PRKN: variants seen among roughly 807,000 people sequenced by gnomAD.
PRKN encodes E3 ubiquitin-protein ligase parkin.
PRKN carries 56 observed loss-of-function variants against 59.5 expected under a neutral mutation model. The observed-to-expected ratio is 0.94, with a 90% CI of 0.76 to 1.18. The LOEUF (loss-of-function observed/expected upper bound fraction) is 1.18. Ranked by LOEUF, PRKN falls within the 50% of genes most tolerant of loss-of-function variation. The pLI, the probability that PRKN is intolerant of heterozygous loss-of-function variation, is 0.00. For synonymous variants in PRKN, 250 were observed against 222.1 expected (o/e 1.13, Z -1.12); for missense variants, 657 against 596.4 (o/e 1.10, Z -1.06).
chr6:162,451,356 C>A (rs1376280097), intron 1 of PRKN, among the ~76,000 whole-genome samples: 3 of 134,432 alleles, frequency 2.2e-5, no homozygotes, highest in Non-Finnish European at 4.6e-5. Context: ...GTATTACTGT[C>A]CTTAAAGGAG....
chr6:162,544,010 T>A (rs1423291496), intron 1 of PRKN, among the ~76,000 whole-genome samples: 1 of 152,198 alleles, frequency 6.6e-6, no homozygotes, highest in Non-Finnish European at 1.5e-5. Flanking sequence ...CTTATTGCAA[T>A]CATTTCATTT....
intron 1 of PRKN, among the ~76,000 whole-genome samples, chr6:162,469,102 A>G (rs960100491): frequency 6.6e-6 from 1 of 152,096 alleles, no homozygotes; most frequent in Admixed American, 6.6e-5. Context: ...ACTCTATAAA[A>G]ATCTATTGTG....
At chr6:161,876,077 T>C (rs1349335767) in intron 6 of PRKN, among the ~76,000 whole-genome samples, 2 of 152,142 alleles carry the variant, frequency 1.3e-5, no homozygotes, top group Non-Finnish European at 2.9e-5. Context: ...TATAAATGGT[T>C]TAATATTTTT....
intron 7 of PRKN, among the ~76,000 whole-genome samples, chr6:161,752,184 A>G (rs1788724096): frequency 6.6e-6 from 1 of 151,910 alleles, no homozygotes; most frequent in African/African-American, 2.4e-5. Flanking sequence ...ATCCTGGCCA[A>G]CGTGGTGAAA....
intron 3 of PRKN, among the ~76,000 whole-genome samples, chr6:162,207,557 G>A (rs1056184926): frequency 2.0e-5 from 3 of 152,106 alleles, no homozygotes; most frequent in East Asian, 1.9e-4. Context: ...TCACTTGACC[G>A]TCCTAACATC....
intron 5 of PRKN, among the ~76,000 whole-genome samples, chr6:162,030,300 C>T (rs1783588806): frequency 6.6e-6 from 1 of 152,156 alleles, no homozygotes; most frequent in Non-Finnish European, 1.5e-5. Context: ...CGTTATCTGC[C>T]CATCTCCACT....
At chr6:162,726,745 C>T (rs1779221730) in intron 1 of PRKN, among the ~76,000 whole-genome samples, 1 of 152,186 alleles carries the variant, frequency 6.6e-6, no homozygotes, top group African/African-American at 2.4e-5. Context: ...AAGGACCCTC[C>T]TCAGGAATAA....
rs781518268 is a variant in PRKN at position 161,658,030 on chromosome 6, A to AAAAAAAAAAAAAAG, written c.872-88615_872-88614insCTTTTTTTTTTTTT. On this transcript the variant is annotated intron_variant, in intron 7 of 11. Coordinates refer to ENST00000366898, the MANE Select transcript of PRKN (RefSeq NM_004562.3). ...GACTCTGTCTCAAAAAAAAAAAAAA[A>AAAAAAAAAAAAAAG]AAAAGAAAAGAAAAGAAAAAAACGG... 4.2e-3 allele frequency among the ~76,000 whole-genome samples: 435 copies of AAAAAAAAAAAAAAG among 104,710 alleles called. 4 individuals carry two copies. The highest frequency in any genetic ancestry group is 7.9e-3 in the African/African-American group (227 of 28,580). 68.7% of individuals were successfully genotyped at this position (104,710 alleles called of 152,430 possible).
rs372106837 is a variant in PRKN, at chr6:161,497,575, T to TCA, written c.1083+51278_1083+51279insTG. On this transcript the variant is annotated intron_variant, in intron 9 of 11. Transcript: ENST00000366898. The surrounding 1 kb of genome is among the most constrained non-coding windows in gnomAD (Gnocchi z 4.6). ...ACATGTCTCTCTCTCTCTCTCTCTC[T>TCA]CTCACACACACACACACACACACCA... Among the ~76,000 whole-genome samples, 338 of 139,604 alleles carry TCA rather than the reference T, an allele frequency of 2.4e-3. No homozygotes were observed. The highest frequency in any genetic ancestry group is 5.5e-3 in the African/African-American group (190 of 34,274). The allele number at this position is 139,604 out of a possible 152,430, so 91.6% of individuals were successfully genotyped here.
chr6:161,606,806 C>T (rs1782298901), intron 7 of PRKN, among the ~76,000 whole-genome samples: 1 of 152,160 alleles, frequency 6.6e-6, no homozygotes, highest in Non-Finnish European at 1.5e-5. Flanking sequence ...ACTTGAAAAT[C>T]TCATACAGTG....
chr6:161,762,252 G>A (rs1008548218), intron 7 of PRKN, among the ~76,000 whole-genome samples: 1 of 152,230 alleles, frequency 6.6e-6, no homozygotes, highest in Non-Finnish European at 1.5e-5. Context: ...ATAAGACAGT[G>A]AGCGAATGGA....
intron 1 of PRKN, among the ~76,000 whole-genome samples, chr6:162,616,651 C>T (rs1782433141): frequency 6.6e-6 from 1 of 152,098 alleles, no homozygotes; most frequent in South Asian, 2.1e-4. Flanking sequence ...CTTTTTCTTG[C>T]TATCTTCTAT....
At chr6:161,946,106 GA>G in intron 6 of PRKN, among the ~76,000 whole-genome samples, 1 of 152,090 alleles carries the variant, frequency 6.6e-6, no homozygotes, top group Admixed American at 6.6e-5. Context: ...AGAATGAGTA[GA>G]AAATTTTTTC....
rs138988973 is a variant in PRKN at position 162,299,286 on chromosome 6, C to A, written c.172-36521G>T. Among the ~76,000 whole-genome samples, 827 of 152,224 alleles carry A rather than the reference C, an allele frequency of 5.4e-3. 3 individuals carry two copies. Among genetic ancestry groups the A allele is most frequent in the Non-Finnish European group, 9.0e-3 (613 of 68,020 alleles). ...TTAGATTCAATGCCAGAAACAGGGG[C>A]AGAGAGGCCAATGGCTGAATAGAGG... On this transcript the variant is annotated intron_variant, in intron 2 of 11. Coordinates refer to ENST00000366898, the MANE Select transcript of PRKN (RefSeq NM_004562.3).
intron 7 of PRKN, among the ~76,000 whole-genome samples, chr6:161,750,118 TACACACACACAC>T (rs955038865): frequency 1.5e-5 from 2 of 137,740 alleles, no homozygotes; most frequent in Non-Finnish European, 3.1e-5. Flanking sequence ...TATATATATA[TACACACACACAC>T]ACACACACAC....
chr6:162,706,717 T>C (rs1020590154), intron 1 of PRKN, among the ~76,000 whole-genome samples: 5 of 152,198 alleles, frequency 3.3e-5, no homozygotes, highest in African/African-American at 1.2e-4. Flanking sequence ...GTACTTAAAA[T>C]ACAACACACA....
intron 4 of PRKN, among the ~76,000 whole-genome samples, chr6:162,193,630 AC>A (rs1383867672): frequency 6.6e-6 from 1 of 152,134 alleles, no homozygotes; most frequent in Non-Finnish European, 1.5e-5. Flanking sequence ...AGCTTTTGTG[AC>A]CTATACATGT....
chr6:161,569,840 G>A (rs1780802777), intron 7 of PRKN, among the ~76,000 whole-genome samples: 1 of 152,160 alleles, frequency 6.6e-6, no homozygotes. Flanking sequence ...ATCAAGGCCA[G>A]GGGCCTGCTC....
chr6:161,830,410 C>T (rs1792444311), intron 6 of PRKN, among the ~76,000 whole-genome samples: 1 of 152,108 alleles, frequency 6.6e-6, no homozygotes, highest in South Asian at 2.1e-4. Flanking sequence ...CGCCACCATG[C>T]CGAGCTAATT....
Sources: allele counts gnomAD v4.1 joint callset (sites outside exome capture counted in the v4.1 genomes callset), GRCh38; gene constraint gnomAD v4.1.1; non-coding constraint Gnocchi (gnomAD v3.1); transcripts MANE v1.5; gene names NCBI Gene and HGNC (gene_info 2026-07-23, HGNC 2026-07-21).